Variants in SORCS1 observed in about 807,000 individuals in gnomAD.
SORCS1 encodes sortilin related VPS10 domain containing receptor 1.
SORCS1 carries 60 observed loss-of-function variants against 146.1 expected under a neutral mutation model. The ratio of observed to expected loss-of-function variants is 0.41; its 90% CI spans 0.33 to 0.51. The LOEUF (loss-of-function observed/expected upper bound fraction) is 0.51. SORCS1 is among the 20% of genes least tolerant of loss of function. SORCS1 has a pLI of 0.21. For synonymous variants in SORCS1, 637 were observed against 584.0 expected, an observed-to-expected ratio of 1.09 and a Z score of -1.31; for missense variants, 1,352 against 1,487.6, an observed-to-expected ratio of 0.91 and a Z score of 1.50.
chr10:107,035,360 G>A (rs971417626), intron 1 of SORCS1, among the ~76,000 whole-genome samples: 2 of 151,296 alleles, frequency 1.3e-5, no homozygotes, highest in Admixed American at 6.6e-5. Flanking sequence ...ATCAGGTGCT[G>A]TGCTTCTCAT....
chr10:107,105,185 C>T (rs184877309), intron 1 of SORCS1, among the ~76,000 whole-genome samples: 12 of 151,978 alleles, frequency 7.9e-5, no homozygotes, highest in African/African-American at 2.2e-4. Context: ...GTTCTGGGGG[C>T]GAACACAGAT....
At chr10:107,086,750 A>T (rs1330262738) in intron 1 of SORCS1, among the ~76,000 whole-genome samples, 1 of 152,142 alleles carries the variant, frequency 6.6e-6, no homozygotes, top group Non-Finnish European at 1.5e-5. Flanking sequence ...TACCAGACAC[A>T]TGGGTTCAGT....
intron 2 of SORCS1, among the ~76,000 whole-genome samples, chr10:106,922,960 C>T (rs1197267607): frequency 1.3e-5 from 2 of 150,300 alleles, no homozygotes; most frequent in Non-Finnish European, 2.9e-5. Flanking sequence ...GCAATCTCAG[C>T]TCACTGGAAC....
intron 25 of SORCS1, chr10:106,578,851 G>T: frequency 7.3e-7 from 1 of 1,371,052 alleles, no homozygotes; most frequent in Non-Finnish European, 9.4e-7. Context: ...CAATATTTTA[G>T]GGAGGGTTTT....
intron 2 of SORCS1, among the ~76,000 whole-genome samples, chr10:106,833,430 G>T (rs1589504276): frequency 6.6e-6 from 1 of 152,134 alleles, no homozygotes; most frequent in South Asian, 2.1e-4. Flanking sequence ...AAGTTTCATC[G>T]GTAGAACCAA....
intron 1 of SORCS1, among the ~76,000 whole-genome samples, chr10:107,052,121 G>C (rs552643580): frequency 2.6e-5 from 4 of 152,144 alleles, no homozygotes; most frequent in Non-Finnish European, 5.9e-5. Context: ...GGTTTCATTA[G>C]CAAGCTGCTT....
Position 106,672,934 on chromosome 10 carries a change from A to C in SORCS1, c.1992T>G (p.Asp664Glu). 1 of 1,614,096 alleles carries C rather than the reference A, an allele frequency of 6.2e-7. No individual in the cohort carries two copies. Among genetic ancestry groups the C allele is most frequent in the South Asian group, 1.1e-5 (1 of 91,074 alleles). ...ACCGTCTATCAAAAATGGACTTGTA[A>C]TCTACTTTGACCAGCTGCCATTCAG... ...HRSEWQLVKV[D>E]YKSIFDRRCA... is the part of the protein sequence containing the mutation. The change falls in exon 15 of 26, where the codon GAT (aspartate) becomes GAG (glutamate). Residue 664 changes from aspartate to glutamate, a missense_variant. By Grantham distance (45) the Asp-to-Glu change is conservative (BLOSUM62 2). Coordinates refer to ENST00000263054, the MANE Select transcript of SORCS1 (RefSeq NM_052918.5).
intron 1 of SORCS1, among the ~76,000 whole-genome samples, chr10:106,993,744 G>C (rs1267287747): frequency 6.6e-6 from 1 of 152,028 alleles, no homozygotes; most frequent in Non-Finnish European, 1.5e-5. Context: ...ATTTTTCCAA[G>C]GATGTAACAT....
At chr10:107,071,171 T>C (rs1962390689) in intron 1 of SORCS1, among the ~76,000 whole-genome samples, 1 of 152,036 alleles carries the variant, frequency 6.6e-6, no homozygotes, top group African/African-American at 2.4e-5. Context: ...AGAAAACTGG[T>C]TGTCCTCCGC....
At chr10:107,067,650 T>C (rs879345921) in intron 1 of SORCS1, among the ~76,000 whole-genome samples, 6 of 152,310 alleles carry the variant, frequency 3.9e-5, no homozygotes, top group South Asian at 2.1e-4. Context: ...TAATTTATCA[T>C]TAAGAGAGGC....
chr10:106,585,505 T>A (rs1354920742), intron 24 of SORCS1, among the ~76,000 whole-genome samples: 1 of 152,160 alleles, frequency 6.6e-6, no homozygotes, highest in Non-Finnish European at 1.5e-5. Flanking sequence ...AGAAAGTTTG[T>A]TAAACTACCT....
At chr10:106,745,742 C>CA (rs1453137519) in intron 5 of SORCS1, among the ~76,000 whole-genome samples, 2 of 152,102 alleles carry the variant, frequency 1.3e-5, no homozygotes, top group African/African-American at 4.8e-5. Flanking sequence ...AGTAACTTTT[C>CA]AATGGAGAAA....
At chr10:106,943,908 T>C (rs983213417) in intron 2 of SORCS1, among the ~76,000 whole-genome samples, 1 of 152,114 alleles carries the variant, frequency 6.6e-6, no homozygotes, top group South Asian at 2.1e-4. Context: ...AATCTCACCA[T>C]CCTCTGGAAT....
chr10:106,771,675 T>A (rs922407885), intron 4 of SORCS1, among the ~76,000 whole-genome samples: 3 of 152,194 alleles, frequency 2.0e-5, no homozygotes, highest in African/African-American at 7.2e-5. Context: ...GATTCATTGT[T>A]TTAAAAATGT....
intron 1 of SORCS1, among the ~76,000 whole-genome samples, chr10:107,011,157 C>T (rs1209972387): frequency 6.6e-6 from 1 of 152,128 alleles, no homozygotes; most frequent in East Asian, 1.9e-4. Flanking sequence ...CTTTATGGAC[C>T]TCTTAACTTT....
chr10:107,091,417 G>A (rs1964171467), intron 1 of SORCS1, among the ~76,000 whole-genome samples: 2 of 152,192 alleles, frequency 1.3e-5, no homozygotes, highest in Admixed American at 1.3e-4. Flanking sequence ...ATATAAACAG[G>A]AGGAGGATGG....
intron 18 of SORCS1, among the ~76,000 whole-genome samples, chr10:106,640,196 T>C (rs1397850178): frequency 1.3e-5 from 2 of 152,224 alleles, no homozygotes; most frequent in Non-Finnish European, 2.9e-5. Context: ...CCATCTTCTC[T>C]ACCATCTGAT....
chr10:106,712,685 A>G (rs896912799), intron 6 of SORCS1, among the ~76,000 whole-genome samples: 17 of 152,238 alleles, frequency 1.1e-4, no homozygotes, highest in Non-Finnish European at 2.2e-4. Flanking sequence ...ATTAAGAATG[A>G]TAATATTTCT....
chr10:106,861,675 A>G (rs1157252017), intron 2 of SORCS1, among the ~76,000 whole-genome samples: 1 of 151,518 alleles, frequency 6.6e-6, no homozygotes, highest in Non-Finnish European at 1.5e-5. Flanking sequence ...GTGGATCACG[A>G]GGTCAAGAGA....
Sources: gnomAD v4.1 joint callset for allele counts (sites outside exome capture counted in the v4.1 genomes callset) on GRCh38, gnomAD v4.1.1 for gene constraint, MANE v1.5 for transcripts, NCBI Gene and HGNC (gene_info 2026-07-23, HGNC 2026-07-21) for gene names.